The following TMC5 variants were observed in gnomAD, a reference collection of about 807,000 sequenced individuals.
TMC5 encodes the protein transmembrane channel-like protein 5.
Under a neutral mutation model 110.5 loss-of-function variants are expected in TMC5, and 86 were observed. The observed-to-expected ratio is 0.78, with a 90% CI of 0.65 to 0.93. The LOEUF (loss-of-function observed/expected upper bound fraction) is 0.93. Ranked by LOEUF, TMC5 falls within the 40% of genes least tolerant of loss-of-function variation. TMC5 has a pLI of 0.00. For missense variants in TMC5, 1,144 were observed against 1,222.8 expected (o/e 0.94, Z 0.96); for synonymous variants, 455 against 439.5 (o/e 1.04, Z -0.44).
At position 19,456,943 on chromosome 16, in the gene TMC5, G is replaced by A. The variant is rs371120434; in HGVS notation, c.1049-3292G>A. ...GGTTTTCAACATCTTTGAATGAGTC[G>A]ATGTCTCAGACCCTTCATAGCCTAG... is the stretch of plus-strand genomic sequence containing the variant. On this transcript the variant is annotated intron_variant, in intron 5 of 21. Transcript: ENST00000542583. The A allele has an allele frequency of 6.8e-6, 11 of 1,614,030 alleles. No homozygotes were observed. The East Asian group carries it at 1.3e-4, about 20-fold the overall frequency.
upstream of TMC5, among the ~76,000 whole-genome samples, chr16:19,414,333 T>C (rs187851998): frequency 9.2e-5 from 14 of 152,302 alleles, no homozygotes; most frequent in Non-Finnish European, 7.4e-5. Flanking sequence ...TTTCTCCAAT[T>C]ACTAACACAA....
At chr16:19,425,984 G>A (rs755555207) in intron 1 of TMC5, among the ~76,000 whole-genome samples, 2 of 152,240 alleles carry the variant, frequency 1.3e-5, no homozygotes, top group Non-Finnish European at 2.9e-5. Context: ...ACCGCACCCA[G>A]CCAATAGCAC....
chr16:19,422,459 A>G (rs368360759), intron 1 of TMC5, among the ~76,000 whole-genome samples: 2 of 152,182 alleles, frequency 1.3e-5, no homozygotes, highest in East Asian at 3.8e-4. Context: ...GAGAACCTCC[A>G]TAATCATATG....
intron 1 of TMC5, among the ~76,000 whole-genome samples, chr16:19,427,357 C>T (rs985047234): frequency 7.9e-5 from 12 of 152,120 alleles, no homozygotes; most frequent in South Asian, 2.1e-4. Flanking sequence ...GAGGCTGAGA[C>T]GCAGGAATCA....
In TMC5 at chr16:19,433,158, CA is replaced by C. The variant is rs559979579; in HGVS notation, c.-80+2522del. On this transcript the variant is annotated intron_variant, in intron 2 of 21. Coordinates refer to ENST00000542583, the MANE Select transcript of TMC5 (RefSeq NM_001261841.2). ...CTGCTGCATCAAAATAACACTATCT[CA>C]AAATCTAAATGTCTTAAAACATAAA... 1.3e-3 allele frequency among the ~76,000 whole-genome samples: 192 copies of C among 152,286 alleles called. 1 individual carries two copies. The highest frequency in any genetic ancestry group is 4.4e-3 in the African/African-American group (184 of 41,560).
intron 3 of TMC5, 128 bp downstream of exon 3, chr16:19,440,954 G>A (rs1967474054): frequency 3.2e-6 from 3 of 933,050 alleles, no homozygotes; most frequent in South Asian, 1.7e-5. Flanking sequence ...TGAAGTTGTG[G>A]TGAAATGCGC....
chr16:19,462,522 A>T lies in TMC5; in HGVS notation c.1149-758A>T, dbSNP rs1968049938. ...ACACAGCAGGGGAGGCCTCACAATC[A>T]CGACAGAGGACGAAGGAAGAGCAAA... On this transcript the variant is annotated intron_variant, in intron 6 of 21. Transcript: ENST00000542583. 3 of 702,120 alleles carry T rather than the reference A, an allele frequency of 4.3e-6. No homozygotes were observed. The South Asian group carries it at 4.4e-5, about 10-fold the overall frequency. The allele number at this position is 702,120 out of a possible 1,614,324, so 43.5% of individuals were successfully genotyped here. A position where few individuals can be genotyped will look rare whatever the true frequency, so the allele number is the denominator to read the frequency against.
In TMC5 at chr16:19,463,356, T is replaced by G. The variant is rs1968077929; in HGVS notation, c.1225T>G (p.Ser409Ala). ...CAATTGCTGTATTCAGTGTCTGAAC[T>G]CCATTTCCCGGGTAAGTCAGTAAAA... The part of the protein sequence containing the change: ...QLNCCIQCLN[S>A]ISRAYRRSKN... Residue 409 changes from serine (S) to alanine (A), a missense_variant, in exon 7 of 22, where the codon TCC becomes GCC. Coordinates refer to ENST00000542583, the MANE Select transcript of TMC5 (RefSeq NM_001261841.2). 3 of 1,613,122 alleles carry G rather than the reference T, an allele frequency of 1.9e-6. No homozygotes were observed. Among genetic ancestry groups the G allele is most frequent in the Non-Finnish European group, 2.5e-6 (3 of 1,179,312 alleles).
chr16:19,423,356 A>C (rs142258617), intron 1 of TMC5, among the ~76,000 whole-genome samples: 1 of 152,150 alleles, frequency 6.6e-6, no homozygotes, highest in African/African-American at 2.4e-5. Context: ...GACTTTGCTC[A>C]GTGTCCCTTG....
chr16:19,415,247 T>C (rs1966871176), upstream of TMC5, among the ~76,000 whole-genome samples: 1 of 152,158 alleles, frequency 6.6e-6, no homozygotes, highest in African/African-American at 2.4e-5. Flanking sequence ...GGGAGAAAAC[T>C]CTATTAGAGA....
intron 3 of TMC5, 136 bp downstream of exon 3, chr16:19,440,962 C>T (rs1175231146): frequency 9.4e-6 from 8 of 855,546 alleles, no homozygotes; most frequent in African/African-American, 5.1e-5. Context: ...TGGTGAAATG[C>T]GCATACCTAT....
intron 3 of TMC5, 116 bp from the exon 4 acceptor site, chr16:19,443,965 A>G: frequency 9.2e-7 from 1 of 1,084,382 alleles, no homozygotes; most frequent in Non-Finnish European, 1.3e-6. Flanking sequence ...GGATAAATGG[A>G]TGGATAAATA....
At chr16:19,485,490 G>A (rs1968718026) in intron 15 of TMC5, among the ~76,000 whole-genome samples, 1 of 152,048 alleles carries the variant, frequency 6.6e-6, no homozygotes, top group Admixed American at 6.6e-5. Context: ...AGAGATGGGG[G>A]TTTTGCCATG....
At chr16:19,417,271 TAGTC>T (rs1966884090), upstream of TMC5, among the ~76,000 whole-genome samples, 2 of 150,456 alleles carry the variant, frequency 1.3e-5, no homozygotes, top group African/African-American at 2.5e-5. Flanking sequence ...ATACAAAAAT[TAGTC>T]AGGCATGATG....
intron 5 of TMC5, among the ~76,000 whole-genome samples, chr16:19,453,011 T>TTATATATA (rs34304163): frequency 1.0e-4 from 15 of 145,486 alleles, no homozygotes; most frequent in African/African-American, 3.7e-4. Context: ...TATATATATA[T>TTATATATA]TATATATATA....
At position 19,487,277 on chromosome 16, in the gene TMC5, T is replaced by G; in HGVS notation, c.2524T>G (p.Phe842Val). The part of the protein sequence containing the change: ...MMTFFIFLLF[F>V]PSFTGVLCTL... Reference sequence around the variant, plus strand: ...GACTTTCTTCATCTTCTTGCTCTTTTTCCCATCCTTCACCGGGGTCTTGTG... The same window carrying G: ...GACTTTCTTCATCTTCTTGCTCTTTGTCCCATCCTTCACCGGGGTCTTGTG... The change falls in exon 17 of 22, where the codon TTC becomes GTC. Residue 842 changes from phenylalanine (F) to valine (V), a missense_variant. By Grantham distance (50) the Phe-to-Val change is conservative. Transcript: ENST00000542583. The G allele has an allele frequency of 6.2e-7, 1 of 1,614,174 alleles. No individual in the cohort carries two copies. Among genetic ancestry groups the G allele is most frequent in the Non-Finnish European group, 8.5e-7 (1 of 1,180,020 alleles).
At chr16:19,486,132 C>G (rs1374035231) in intron 15 of TMC5, among the ~76,000 whole-genome samples, 1 of 152,190 alleles carries the variant, frequency 6.6e-6, no homozygotes, top group African/African-American at 2.4e-5. Context: ...CAGGCCCCCT[C>G]TGTGTTCGTT....
At chr16:19,475,442 G>A (rs1968463957) in intron 12 of TMC5, among the ~76,000 whole-genome samples, 1 of 151,326 alleles carries the variant, frequency 6.6e-6, no homozygotes, top group African/African-American at 2.4e-5. Context: ...AAAAAGTGTA[G>A]GTCTGTACAA....
intron 17 of TMC5, 142 bp from the exon 18 acceptor site, chr16:19,490,253 G>C: frequency 2.5e-6 from 2 of 805,550 alleles, no homozygotes; most frequent in Non-Finnish European, 4.0e-6. Context: ...GAGAGCAAGA[G>C]GGTTTCTTTG....
Sources: gnomAD v4.1 joint callset for allele counts (sites outside exome capture counted in the v4.1 genomes callset) on GRCh38, gnomAD v4.1.1 for gene constraint, MANE v1.5 for transcripts, NCBI Gene and HGNC (gene_info 2026-07-23, HGNC 2026-07-21) for gene names.